ADGRV1: variants seen among roughly 807,000 people sequenced by gnomAD.
ADGRV1 encodes the protein adhesion G protein-coupled receptor V1, also known as G-protein coupled receptor 98.
ADGRV1 carries 359 observed loss-of-function variants against 596.2 expected under a neutral mutation model. The observed-to-expected ratio is 0.60, with a 90% CI of 0.55 to 0.66. The LOEUF (loss-of-function observed/expected upper bound fraction) is 0.66, where lower values mean the gene tolerates loss of function less well. ADGRV1 is among the 30% of genes least tolerant of loss of function. ADGRV1 has a pLI of 0.00. For synonymous variants in ADGRV1, 2,681 were observed against 2,679.2 expected, an observed-to-expected ratio of 1.00 and a Z score of -0.02; for missense variants, 7,274 against 7,575.6, an observed-to-expected ratio of 0.96 and a Z score of 1.48.
chr5:91,161,458 C>T (rs778900108), intron 89 of ADGRV1, among the ~76,000 whole-genome samples: 33 of 147,774 alleles, frequency 2.2e-4, no homozygotes, highest in Non-Finnish European at 3.9e-4. Context: ...TTTTGTAATG[C>T]GGAAATGCAG....
chr5:91,044,426 A>G (rs1466155288), intron 85 of ADGRV1, among the ~76,000 whole-genome samples: 1 of 152,230 alleles, frequency 6.6e-6, no homozygotes, highest in Non-Finnish European at 1.5e-5. Context: ...GTCAAGAAAA[A>G]GTCACTTTTT....
At position 90,840,633 on chromosome 5, in the gene ADGRV1, G is replaced by C; in HGVS notation, c.16667G>C (p.Gly5556Ala). 6 of 1,613,392 alleles carry C rather than the reference G, an allele frequency of 3.7e-6. No individual in the cohort carries two copies. Among genetic ancestry groups the C allele is most frequent in the Non-Finnish European group, 5.1e-6 (6 of 1,179,392 alleles). ...GRTIISPAIS[G>A]KDFVITEGTL... Reference sequence around the variant, plus strand: ...ACCATCATATCTCCAGCTATTTCTGGAAAGGATTTTGTGATAACTGAAGGC... The same window carrying C: ...ACCATCATATCTCCAGCTATTTCTGCAAAGGATTTTGTGATAACTGAAGGC... Residue 5556 changes from glycine to alanine, a missense_variant, in exon 78 of 90, where the codon GGA becomes GCA. Gly to Ala is a moderately conservative substitution (Grantham distance 60). Transcript: ENST00000405460.
chr5:90,806,859 A>ATT (rs565402360), intron 72 of ADGRV1, among the ~76,000 whole-genome samples: 2 of 147,818 alleles, frequency 1.4e-5, no homozygotes, highest in African/African-American at 2.5e-5. Context: ...TTTATTTTTA[A>ATT]TTTTTTTTTT....
chr5:91,049,037 A>G (rs993934126), intron 85 of ADGRV1, among the ~76,000 whole-genome samples: 6 of 151,496 alleles, frequency 4.0e-5, no homozygotes, highest in South Asian at 4.2e-4. Flanking sequence ...ATTGCAGCCT[A>G]TATTTATCAT....
At position 90,759,431 on chromosome 5, in the gene ADGRV1, C is replaced by G; in HGVS notation, c.11963C>G (p.Thr3988Ser). 1 of 1,567,012 alleles carries G rather than the reference C, an allele frequency of 6.4e-7. No homozygotes were observed. Among genetic ancestry groups the G allele is most frequent in the Non-Finnish European group, 8.7e-7 (1 of 1,153,798 alleles). The stretch of plus-strand genomic sequence containing the variant: ...TAGGTTACTGCAATGATAGAAATCA[C>G]CATAATTGATGATGCTGAATTTGAA... ...DKQVTAMIEI[T>S]IIDDAEFELT... The change falls in exon 58 of 90, where the codon ACC (threonine) becomes AGC (serine). Residue 3988 changes from threonine to serine, a missense_variant. By Grantham distance (58) the Thr-to-Ser change is moderately conservative (BLOSUM62 1). This residue lies in a region of ADGRV1 where 3,643 missense variants were observed against 3,809.2 expected (regional missense o/e 0.96). Transcript: ENST00000405460.
Position 90,693,433 on chromosome 5 carries a change from T to C in ADGRV1, c.7134-457T>C, listed in dbSNP as rs140999920. Among the ~76,000 whole-genome samples, 18 of 152,298 alleles carry C rather than the reference T, an allele frequency of 1.2e-4. No individual in the cohort carries two copies. In the East Asian group the frequency reaches 3.5e-3, roughly 29 times the overall value. On this transcript the variant is annotated intron_variant, in intron 32 of 89. Transcript: ENST00000405460. The stretch of plus-strand genomic sequence containing the variant: ...ATAGTTGCTATACTGGACTGGTTTT[T>C]AAAGTTTGTATTTTTTAAATTTTTT...
intron 42 of ADGRV1, among the ~76,000 whole-genome samples, chr5:90,714,715 G>A (rs1298261786): frequency 4.0e-5 from 6 of 151,898 alleles, no homozygotes; most frequent in Admixed American, 3.3e-4. Flanking sequence ...ACATCCATTA[G>A]CCATTAATTT....
chr5:90,811,403 A>C lies in ADGRV1; in HGVS notation c.16078+65A>C. ...TGGTACATAATTTGTATTAAGGTGA[A>C]TCTAGCTTAAATTTAATGGAAGAAG... On this transcript the variant is annotated intron_variant, in intron 74 of 89. Coordinates refer to ENST00000405460, the MANE Select transcript of ADGRV1 (RefSeq NM_032119.4). 2.2e-6 allele frequency: 3 copies of C among 1,380,084 alleles called. No individual in the cohort carries two copies. The East Asian group carries it at 7.1e-5, about 33-fold the overall frequency. The allele number at this position is 1,380,084 out of a possible 1,614,324, so 85.5% of individuals were successfully genotyped here.
At chr5:90,779,213 C>A in intron 64 of ADGRV1, 116 bp downstream of exon 64, 1 of 583,602 alleles carries the variant, frequency 1.7e-6, no homozygotes, top group Non-Finnish European at 3.0e-6. Flanking sequence ...TACTCTTTCT[C>A]AGATTTGTGT....
At chr5:90,678,716 C>T (rs1580707198) in intron 25 of ADGRV1, among the ~76,000 whole-genome samples, 1 of 150,232 alleles carries the variant, frequency 6.7e-6, no homozygotes, top group South Asian at 2.1e-4. Flanking sequence ...ACAAGAAACC[C>T]ATTCTTGCAA....
intron 84 of ADGRV1, among the ~76,000 whole-genome samples, chr5:90,968,889 TATA>T (rs1157169285): frequency 1.3e-5 from 2 of 152,206 alleles, no homozygotes; most frequent in Non-Finnish European, 1.5e-5. Flanking sequence ...GTGCATAGCT[TATA>T]ATGACAATAA....
chr5:90,594,537 G>GGTTTGGCA (rs1554055175), intron 1 of ADGRV1, among the ~76,000 whole-genome samples: 1 of 139,714 alleles, frequency 7.2e-6, no homozygotes, highest in South Asian at 2.3e-4. Flanking sequence ...CACAGAGGGG[G>GGTTTGGCA]ATTTGGCAGG....
At chr5:90,860,551 T>C (rs1206612499) in intron 82 of ADGRV1, among the ~76,000 whole-genome samples, 1 of 151,740 alleles carries the variant, frequency 6.6e-6, no homozygotes, top group Non-Finnish European at 1.5e-5. Context: ...GAGAAGAGAG[T>C]TGCAGAAACA....
At chr5:90,700,043 C>T (rs1279834543) in intron 34 of ADGRV1, among the ~76,000 whole-genome samples, 1 of 151,976 alleles carries the variant, frequency 6.6e-6, no homozygotes, top group Non-Finnish European at 1.5e-5. Context: ...ATTCCTAAGC[C>T]TTTTCCTAGA....
Position 90,915,256 on chromosome 5 carries a change from G to T in ADGRV1, c.17857-50159G>T, listed in dbSNP as rs143336744. 3.9e-5 allele frequency among the ~76,000 whole-genome samples: 6 copies of T among 152,060 alleles called. No homozygotes were observed. The East Asian group carries it at 1.2e-3, about 29-fold the overall frequency. Reference sequence around the variant, plus strand: ...ATATTCTTAATTATCGTTTGTATAGGGCATTATTTATTATTTTAAAACAGC... The same window carrying T: ...ATATTCTTAATTATCGTTTGTATAGTGCATTATTTATTATTTTAAAACAGC... On this transcript the variant is annotated intron_variant, in intron 83 of 89. Coordinates refer to ENST00000405460, the MANE Select transcript of ADGRV1 (RefSeq NM_032119.4).
At chr5:91,139,253 G>A (rs1202364987) in intron 87 of ADGRV1, among the ~76,000 whole-genome samples, 1 of 152,164 alleles carries the variant, frequency 6.6e-6, no homozygotes, top group Non-Finnish European at 1.5e-5. Flanking sequence ...TTGATACGAA[G>A]TTCCATTATA....
chr5:90,944,723 G>A (rs1387163391), intron 83 of ADGRV1, among the ~76,000 whole-genome samples: 1 of 152,094 alleles, frequency 6.6e-6, no homozygotes, highest in Non-Finnish European at 1.5e-5. Context: ...TCTCATGGAA[G>A]TTAATTTATT....
At chr5:90,982,342 G>A (rs950661778) in intron 84 of ADGRV1, among the ~76,000 whole-genome samples, 5 of 151,958 alleles carry the variant, frequency 3.3e-5, no homozygotes, top group Non-Finnish European at 7.4e-5. Context: ...ACCTATTGAT[G>A]GTATTAAGTG....
intron 74 of ADGRV1, among the ~76,000 whole-genome samples, chr5:90,815,389 A>G (rs541366177): frequency 6.6e-6 from 1 of 152,248 alleles, no homozygotes; most frequent in African/African-American, 2.4e-5. Context: ...GTCAGGGGGA[A>G]AGAGTGGGAT....
Sources: allele counts gnomAD v4.1 joint callset (sites outside exome capture counted in the v4.1 genomes callset), GRCh38; gene constraint gnomAD v4.1.1; regional missense constraint gnomAD v4.1.1; transcripts MANE v1.5; gene names NCBI Gene and HGNC (gene_info 2026-07-23, HGNC 2026-07-21).